The following PCDHA4 variants were observed in gnomAD, a reference collection of about 807,000 sequenced individuals.
PCDHA4 encodes protocadherin alpha 4.
Under a neutral mutation model 61.4 loss-of-function variants are expected in PCDHA4, and 49 were observed. That is an observed-to-expected ratio of 0.80 (90% CI 0.63 to 1.01). PCDHA4 has a LOEUF of 1.01. Ranked by LOEUF, PCDHA4 falls within the 50% of genes least tolerant of loss-of-function variation. PCDHA4 has a pLI of 0.00. For missense variants in PCDHA4, 1,254 were observed against 1,235.8 expected, an observed-to-expected ratio of 1.01 and a Z score of -0.22; for synonymous variants, 590 against 550.3, an observed-to-expected ratio of 1.07 and a Z score of -1.01.
chr5:140,962,028 C>T (rs1046578713), intron 1 of PCDHA4, among the ~76,000 whole-genome samples: 81 of 152,150 alleles, frequency 5.3e-4, no homozygotes, highest in African/African-American at 1.8e-3. Context: ...GGACTACAGG[C>T]ACCCACCACC....
intron 1 of PCDHA4, among the ~76,000 whole-genome samples, chr5:140,845,869 C>A (rs1190017155): frequency 6.7e-6 from 1 of 149,586 alleles, no homozygotes; most frequent in Non-Finnish European, 1.5e-5. Flanking sequence ...TGCAGAAAGG[C>A]AACCTAAAAT....
chr5:140,924,902 AAAATAAAAT>A (rs1211271652), intron 1 of PCDHA4, among the ~76,000 whole-genome samples: 3 of 39,024 alleles, frequency 7.7e-5, no homozygotes, highest in African/African-American at 2.3e-4. Context: ...CTCAAAAAAA[AAAATAAAAT>A]AAAATAAAAT....
At chr5:140,947,451 A>G (rs2094135983) in intron 1 of PCDHA4, among the ~76,000 whole-genome samples, 1 of 151,658 alleles carries the variant, frequency 6.6e-6, no homozygotes, top group Non-Finnish European at 1.5e-5. Context: ...GAAATCCTCC[A>G]ACCTTGTTCT....
intron 1 of PCDHA4, among the ~76,000 whole-genome samples, chr5:140,880,215 G>A (rs944497497): frequency 3.3e-5 from 5 of 152,162 alleles, no homozygotes; most frequent in Non-Finnish European, 5.9e-5. Context: ...TCCACCAGAA[G>A]TAGAACATTT....
chr5:140,928,605 C>T, intron 1 of PCDHA4: 1 of 1,614,208 alleles, frequency 6.2e-7, no homozygotes, highest in South Asian at 1.1e-5. Flanking sequence ...AAATTGTGCC[C>T]CGCTCTGCCA....
chr5:140,879,989 C>T (rs1223310901), intron 1 of PCDHA4, among the ~76,000 whole-genome samples: 3 of 152,182 alleles, frequency 2.0e-5, no homozygotes, highest in African/African-American at 7.2e-5. Flanking sequence ...AGATCCTTAA[C>T]TTAATCATAT....
chr5:140,984,712 G>A (rs2097116348), intron 3 of PCDHA4, among the ~76,000 whole-genome samples: 1 of 152,096 alleles, frequency 6.6e-6, no homozygotes, highest in Non-Finnish European at 1.5e-5. Context: ...AGGGAATATG[G>A]CATAAAGATT....
intron 1 of PCDHA4, among the ~76,000 whole-genome samples, chr5:140,874,638 C>A (rs2055040349): frequency 6.6e-6 from 1 of 152,272 alleles, no homozygotes; most frequent in South Asian, 2.1e-4. Context: ...AAGTGCTTTA[C>A]TTTTGCTAGA....
chr5:140,920,927 A>G (rs1350465462), intron 1 of PCDHA4, among the ~76,000 whole-genome samples: 1 of 151,716 alleles, frequency 6.6e-6, no homozygotes, highest in East Asian at 1.9e-4. Context: ...AGAGTAGGTG[A>G]TCTAGCCCTT....
chr5:140,952,798 G>A (rs1554220633), intron 1 of PCDHA4, among the ~76,000 whole-genome samples: 1 of 152,138 alleles, frequency 6.6e-6, no homozygotes, highest in Non-Finnish European at 1.5e-5. Flanking sequence ...TAACTGGCTC[G>A]CAGTTCTGCA....
Position 140,856,227 on chromosome 5 carries a change from A to C in PCDHA4, c.2385+46655A>C, listed in dbSNP as rs149352769. 4,605 of 1,597,986 alleles carry C rather than the reference A, an allele frequency of 2.9e-3. 355 individuals carry two copies. The highest frequency in any genetic ancestry group is 0.01 in the Middle Eastern group (60 of 5,808). ...GGGCTGGAGCTGGCGGAGCTGGTGC[A>C]GCGCCTGTTCCGGGTGGCGTCCAAA... On this transcript the variant is annotated intron_variant, in intron 1 of 3. Transcript: ENST00000530339.
chr5:140,935,389 C>T (rs559765340), intron 1 of PCDHA4, among the ~76,000 whole-genome samples: 20 of 152,288 alleles, frequency 1.3e-4, no homozygotes, highest in African/African-American at 4.8e-4. Flanking sequence ...CATTTGTTAT[C>T]CCACGGGACT....
chr5:140,952,192 G>T (rs572613863), intron 1 of PCDHA4, among the ~76,000 whole-genome samples: 3 of 152,080 alleles, frequency 2.0e-5, no homozygotes, highest in Non-Finnish European at 4.4e-5. Context: ...TCATGGGTTG[G>T]TGTTGAATGC....
chr5:140,977,681 A>G (rs1363970729), intron 1 of PCDHA4, among the ~76,000 whole-genome samples: 2 of 152,208 alleles, frequency 1.3e-5, no homozygotes, highest in African/African-American at 4.8e-5. Context: ...AATATCATGT[A>G]GCCATCCAGA....
intron 1 of PCDHA4, chr5:140,882,349 T>TC (rs1396642305): frequency 5.0e-6 from 8 of 1,613,872 alleles, no homozygotes; most frequent in Non-Finnish European, 6.8e-6. Context: ...GGGAGACGGG[T>TC]AGTGGCCAGC....
At chr5:140,998,472 A>G (rs1212895520) in intron 3 of PCDHA4, among the ~76,000 whole-genome samples, 1 of 151,938 alleles carries the variant, frequency 6.6e-6, no homozygotes, top group Non-Finnish European at 1.5e-5. Context: ...TTTTCCTCCC[A>G]CTGTGCTGTA....
At chr5:140,928,000 G>T (rs2084855141) in intron 1 of PCDHA4, 1 of 1,614,166 alleles carries the variant, frequency 6.2e-7, no homozygotes, top group Non-Finnish European at 8.5e-7. Context: ...TGAAGACCTC[G>T]ATTCTAATGG....
rs186756859 is a variant in PCDHA4, at chr5:140,846,728, A to G, written c.2385+37156A>G. 4.0e-5 allele frequency among the ~76,000 whole-genome samples: 6 copies of G among 149,464 alleles called. 1 individual carries two copies. The highest frequency in any genetic ancestry group is 2.0e-4 in the Admixed American group (3 of 14,884). On this transcript the variant is annotated intron_variant, in intron 1 of 3. Transcript: ENST00000530339. ...TTGTAATAACCAGTCTTCATTAAACATTAAATAGGACCCTTACAGATCTCT... is the reference window on the plus strand; with the variant it reads ...TTGTAATAACCAGTCTTCATTAAACGTTAAATAGGACCCTTACAGATCTCT...
intron 1 of PCDHA4, chr5:140,876,689 C>A (rs2056506979): frequency 1.2e-6 from 2 of 1,614,228 alleles, no homozygotes; most frequent in Non-Finnish European, 1.7e-6. Context: ...AATTACTACT[C>A]GTTGGTGCTG....
Sources: allele counts gnomAD v4.1 joint callset (sites outside exome capture counted in the v4.1 genomes callset), GRCh38; gene constraint gnomAD v4.1.1; transcripts MANE v1.5; gene names NCBI Gene and HGNC (gene_info 2026-07-23, HGNC 2026-07-21).